ZNF697: variants seen among roughly 807,000 people sequenced by gnomAD.
The protein encoded by ZNF697 is zinc finger protein 697.
Under a neutral mutation model 32.4 loss-of-function variants are expected in ZNF697, and 23 were observed. The observed-to-expected ratio is 0.71, with a 90% CI of 0.51 to 1.01. The LOEUF (loss-of-function observed/expected upper bound fraction) is 1.01, where lower values mean the gene tolerates loss of function less well. Among genes scored for constraint, ZNF697 ranks in the 50% least tolerant of loss-of-function variants. ZNF697 has a pLI of 0.00. For missense variants in ZNF697, 930 were observed against 794.0 expected, an observed-to-expected ratio of 1.17 and a Z score of -2.06; for synonymous variants, 418 against 337.2, an observed-to-expected ratio of 1.24 and a Z score of -2.62.
chr1:119,641,936 A>C (rs1281676873), intron 1 of ZNF697, among the ~76,000 whole-genome samples: 2 of 152,238 alleles, frequency 1.3e-5, no homozygotes, highest in East Asian at 3.8e-4. Context: ...TCATAGCAGC[A>C]TGAGAATGAA....
At chr1:119,630,149 G>A (rs1570941579) in intron 1 of ZNF697, among the ~76,000 whole-genome samples, 1 of 152,330 alleles carries the variant, frequency 6.6e-6, no homozygotes, top group East Asian at 1.9e-4. Context: ...AGACAACTCT[G>A]GTTTTTGGCC....
At chr1:119,632,824 C>T (rs147812796) in intron 1 of ZNF697, among the ~76,000 whole-genome samples, 309 of 152,336 alleles carry the variant, frequency 2.0e-3, no homozygotes, top group African/African-American at 7.2e-3. Context: ...TTCCCGTTGG[C>T]ATTTACTATC....
chr1:119,624,208 C>T (rs1464857872), intron 2 of ZNF697, 92 bp from the exon 3 acceptor site: 9 of 1,412,360 alleles, frequency 6.4e-6, no homozygotes, highest in African/African-American at 1.5e-5. Flanking sequence ...ACTGTGATCC[C>T]CTCCCTCAGG....
chr1:119,623,291 C>T lies in ZNF697; in HGVS notation c.1052G>A (p.Arg351Gln), dbSNP rs777203687. 1.4e-6 allele frequency: 2 copies of T among 1,407,440 alleles called. No individual in the cohort carries two copies. The highest frequency in any genetic ancestry group is 1.8e-6 in the Non-Finnish European group (2 of 1,085,234). The allele number at this position is 1,407,440 out of a possible 1,614,324, so 87.2% of individuals were successfully genotyped here. A position where few individuals can be genotyped will look rare whatever the true frequency, so the allele number is the denominator to read the frequency against. The change falls in exon 3 of 3, where the codon CGG (arginine) becomes CAG (glutamine). Residue 351 changes from arginine (R) to glutamine (Q), a missense_variant. By Grantham distance (43) the Arg-to-Gln change is conservative (BLOSUM62 1). Transcript: ENST00000421812. ...GCCGCACTCCCCGCAGGCGAAGGGC[C>T]GCAGCGCCGCCGCCCCCGCGCCGCT... ...AASGAGAAAL[R>Q]PFACGECGKG... is the part of the protein sequence containing the mutation.
intron 1 of ZNF697, among the ~76,000 whole-genome samples, chr1:119,633,146 A>C (rs1473057330): frequency 6.6e-6 from 1 of 152,250 alleles, no homozygotes; most frequent in African/African-American, 2.4e-5. Context: ...AACTAAGGCT[A>C]GAAAGGGAAA....
chr1:119,646,484 C>A (rs1649208564), intron 1 of ZNF697, among the ~76,000 whole-genome samples: 1 of 152,118 alleles, frequency 6.6e-6, no homozygotes, highest in Admixed American at 6.5e-5. Flanking sequence ...TTCTTTATCT[C>A]AGTTCAAATG....
chr1:119,644,552 A>G (rs1649154875), intron 1 of ZNF697, among the ~76,000 whole-genome samples: 1 of 152,232 alleles, frequency 6.6e-6, no homozygotes, highest in South Asian at 2.1e-4. Context: ...ATTCCAGTCT[A>G]CACTCAGTTC....
chr1:119,632,834 C>A (rs946429241), intron 1 of ZNF697, among the ~76,000 whole-genome samples: 1 of 152,238 alleles, frequency 6.6e-6, no homozygotes, highest in Non-Finnish European at 1.5e-5. Flanking sequence ...CATTTACTAT[C>A]CATATTTTAC....
In ZNF697 at chr1:119,623,182, G is replaced by T; in HGVS notation, c.1161C>A (p.Gly387=). The change falls in exon 3 of 3, where the codon GGC becomes GGA. Residue 387 remains glycine, a synonymous_variant. Coordinates refer to ENST00000421812, the MANE Select transcript of ZNF697 (RefSeq NM_001080470.2). The part of the protein sequence containing the change: ...GEKPHGCGEC[G]KRFSWRSDLV... ...AGTCCGAGCGCCAGCTGAAGCGCTT[G>T]CCGCACTCGCCACAGCCGTGCGGCT... The T allele has an allele frequency of 6.4e-7, 1 of 1,563,224 alleles. No homozygotes were observed. Among genetic ancestry groups the T allele is most frequent in the South Asian group, 1.2e-5 (1 of 86,688 alleles).
At chr1:119,641,350 C>T (rs1485422544) in intron 1 of ZNF697, among the ~76,000 whole-genome samples, 3 of 151,652 alleles carry the variant, frequency 2.0e-5, no homozygotes, top group South Asian at 2.1e-4. Flanking sequence ...GCACACATCC[C>T]CCCCTAAAAA....
rs1419827604 is a variant in ZNF697 at position 119,624,374 on chromosome 1, CCGAGG to C, written c.227-263_227-259del. On this transcript the variant is annotated intron_variant, in intron 2 of 2. Transcript: ENST00000421812. ...CGGGCCCAGGCCCCCCTAGCTGGAC[CCGAGG>C]CACTGCCTAGCAGAGCCATCTGAAG... Among the ~76,000 whole-genome samples the C allele has an allele frequency of 5.9e-5, 4 of 67,762 alleles. No individual in the cohort carries two copies. In the East Asian group the frequency reaches 2.6e-3, roughly 44 times the overall value. 44.5% of individuals were successfully genotyped at this position (67,762 alleles called of 152,430 possible). A position where few individuals can be genotyped will look rare whatever the true frequency, so the allele number is the denominator to read the frequency against.
intron 1 of ZNF697, among the ~76,000 whole-genome samples, chr1:119,636,767 A>G (rs990389972): frequency 6.6e-6 from 1 of 152,184 alleles, no homozygotes; most frequent in Non-Finnish European, 1.5e-5. Context: ...CTTGGTTTCA[A>G]TCTCCCCTTG....
Position 119,623,185 on chromosome 1 carries a change from G to T in ZNF697, c.1158C>A (p.Cys386Ter). 6.4e-7 allele frequency: 1 copy of T among 1,563,488 alleles called. No homozygotes were observed. Residue 386 changes from cysteine (C) to a stop codon, truncating the protein, a stop_gained, in exon 3 of 3, where the codon TGC becomes TGA. Transcript: ENST00000421812. LOFTEE classifies it high-confidence loss of function. ...CCGAGCGCCAGCTGAAGCGCTTGCCGCACTCGCCACAGCCGTGCGGCTTCT... is the reference window on the plus strand; with the variant it reads ...CCGAGCGCCAGCTGAAGCGCTTGCCTCACTCGCCACAGCCGTGCGGCTTCT... ...TGEKPHGCGE[C>*]GKRFSWRSDL...
At chr1:119,626,697 G>C (rs1414719945) in intron 1 of ZNF697, among the ~76,000 whole-genome samples, 1 of 152,198 alleles carries the variant, frequency 6.6e-6, no homozygotes, top group East Asian at 1.9e-4. Context: ...AATAATAGAA[G>C]CATCAAGTAT....
At chr1:119,630,866 T>C (rs958195029) in intron 1 of ZNF697, among the ~76,000 whole-genome samples, 1 of 150,166 alleles carries the variant, frequency 6.7e-6, no homozygotes, top group African/African-American at 2.5e-5. Flanking sequence ...CAAGACCCCA[T>C]CTCAAAAAAA....
chr1:119,645,817 G>C (rs1440697772), intron 1 of ZNF697, among the ~76,000 whole-genome samples: 1 of 152,130 alleles, frequency 6.6e-6, no homozygotes, highest in Non-Finnish European at 1.5e-5. Context: ...ACAAAGAAAA[G>C]CCCATATGGT....
Position 119,622,784 on chromosome 1 carries a change from G to C in ZNF697, c.1559C>G (p.Pro520Arg). ...RHRRIHTGNKPHKCAGCGKGF... is the reference protein window; with the variant it reads ...RHRRIHTGNKRHKCAGCGKGF... ...TTTGCCGCAGCCCGCACACTTGTGC[G>C]GCTTGTTGCCCGTGTGGATGCGGCG... The change falls in exon 3 of 3, where the codon CCG becomes CGG. Residue 520 changes from proline to arginine, a missense_variant. By Grantham distance (103) the Pro-to-Arg change is moderately radical. Coordinates refer to ENST00000421812, the MANE Select transcript of ZNF697 (RefSeq NM_001080470.2). 6.3e-7 allele frequency: 1 copy of C among 1,596,578 alleles called. No individual in the cohort carries two copies. Among genetic ancestry groups the C allele is most frequent in the East Asian group, 2.3e-5 (1 of 43,942 alleles).
intron 1 of ZNF697, among the ~76,000 whole-genome samples, chr1:119,645,824 T>C (rs1649186369): frequency 6.6e-6 from 1 of 152,178 alleles, no homozygotes; most frequent in Non-Finnish European, 1.5e-5. Flanking sequence ...AAAGCCCATA[T>C]GGTACTGACA....
rs140786258 is a variant in ZNF697 at position 119,622,361 on chromosome 1, G to A, written c.*344C>T. 1,226 of 253,488 alleles carry A rather than the reference G, an allele frequency of 4.8e-3. 18 individuals are homozygous for A. The highest frequency in any genetic ancestry group is 0.025 in the African/African-American group (1,115 of 44,500). 15.7% of individuals were successfully genotyped at this position (253,488 alleles called of 1,614,324 possible). A position where few individuals can be genotyped will look rare whatever the true frequency, so the allele number is the denominator to read the frequency against. ...CTACAGGCCATCGCGGCCTACCCTA[G>A]TCTATTGCCCGCCATCCTGTTCCCA... On this transcript the variant is annotated 3_prime_UTR_variant, in exon 3 of 3. Coordinates refer to ENST00000421812, the MANE Select transcript of ZNF697 (RefSeq NM_001080470.2).
Sources: allele counts gnomAD v4.1 joint callset (sites outside exome capture counted in the v4.1 genomes callset), GRCh38; gene constraint gnomAD v4.1.1; transcripts MANE v1.5; gene names NCBI Gene and HGNC (gene_info 2026-07-23, HGNC 2026-07-21).